ITK: variants seen among roughly 807,000 people sequenced by gnomAD.
ITK encodes IL2 inducible T cell kinase.
A neutral mutation model predicts 87.6 loss-of-function variants in ITK; 45 were observed. The observed-to-expected ratio is 0.51, with a 90% CI of 0.40 to 0.66. The LOEUF is 0.66. ITK is among the 30% of genes least tolerant of loss of function. ITK has a pLI of 0.00. For synonymous variants in ITK, 303 were observed against 273.6 expected, an observed-to-expected ratio of 1.11 and a Z score of -1.06; for missense variants, 605 against 766.3, an observed-to-expected ratio of 0.79 and a Z score of 2.48.
chr5:157,227,639 C>T (rs528880158), intron 6 of ITK, among the ~76,000 whole-genome samples: 3 of 152,026 alleles, frequency 2.0e-5, no homozygotes, highest in South Asian at 2.1e-4. Context: ...AAAATGTTTC[C>T]TTATAGAAAA....
At position 157,200,308 on chromosome 5, in the gene ITK, G is replaced by T. The variant is rs140249004; in HGVS notation, c.139-8581G>T. On this transcript the variant is annotated intron_variant, in intron 1 of 16. Transcript: ENST00000422843. ...CAAGAAAAGAGACAAGGGTAAGCAA[G>T]GTCCTGTGACTTTCGCCCCAAGTAA... Among the ~76,000 whole-genome samples the T allele has an allele frequency of 3.3e-3, 508 of 152,286 alleles. 4 individuals carry two copies. The highest frequency in any genetic ancestry group is 9.8e-3 in the African/African-American group (409 of 41,554).
chr5:157,214,149 T>C, intron 3 of ITK, 42 bp from the exon 4 acceptor site: 1 of 1,587,412 alleles, frequency 6.3e-7, no homozygotes, highest in Non-Finnish European at 8.7e-7. Context: ...CTTGATAGAC[T>C]GACCTGGAAA....
At chr5:157,218,059 A>G (rs572760343) in intron 5 of ITK, 152 bp downstream of exon 5, 9 of 766,402 alleles carry the variant, frequency 1.2e-5, no homozygotes, top group Middle Eastern at 3.7e-4. Context: ...CACATTGGGT[A>G]TTTTTGGGCT....
At chr5:157,245,476 A>G in intron 13 of ITK, 1 of 575,412 alleles carries the variant, frequency 1.7e-6, no homozygotes, top group South Asian at 2.0e-5. Context: ...GACAACACCA[A>G]GGATTTCTAA....
rs1181652991 is a variant in ITK at position 157,181,980 on chromosome 5, CT to C, written c.138+866del. ...TAGGTGATCCAGTCTGGGCAAATGT[CT>C]ACCTCCTGTTTCAGGTTCTTTCTTC... is the stretch of plus-strand genomic sequence containing the variant. On this transcript the variant is annotated intron_variant, in intron 1 of 16. Coordinates refer to ENST00000422843, the MANE Select transcript of ITK (RefSeq NM_005546.4). Among the ~76,000 whole-genome samples, 6 of 152,340 alleles carry C rather than the reference CT, an allele frequency of 3.9e-5. No individual in the cohort carries two copies. In the South Asian group the frequency reaches 1.2e-3, roughly 32 times the overall value.
rs763849289 is a variant in ITK at position 157,244,331 on chromosome 5, G to A, written c.1302G>A (p.Val434=). The A allele has an allele frequency of 1.9e-6, 3 of 1,614,210 alleles. No homozygotes were observed. The highest frequency in any genetic ancestry group is 1.7e-6 in the Non-Finnish European group (2 of 1,180,030). Reference sequence around the variant, plus strand: ...TGGAGCAGGCCCCCATCTGCCTGGTGTTTGAGTTCATGGAGCACGGCTGCC... The same window carrying A: ...TGGAGCAGGCCCCCATCTGCCTGGTATTTGAGTTCATGGAGCACGGCTGCC... ...VCLEQAPICL[V]FEFMEHGCLS... The change falls in exon 13 of 17, where the codon GTG becomes GTA. Residue 434 remains valine, a synonymous_variant. Transcript: ENST00000422843.
intron 1 of ITK, among the ~76,000 whole-genome samples, chr5:157,200,773 G>A (rs1038893002): frequency 6.6e-6 from 1 of 152,152 alleles, no homozygotes; most frequent in Non-Finnish European, 1.5e-5. Flanking sequence ...TTAAGGCACA[G>A]GCACAAAGGA....
chr5:157,192,002 C>T (rs12187941), intron 1 of ITK, among the ~76,000 whole-genome samples: 30,183 of 152,100 alleles, frequency 0.2, 3,378 homozygotes, highest in South Asian at 0.32. Context: ...CCACCAAAAG[C>T]GGCACCATGT....
At chr5:157,244,817 G>T (rs993517422) in intron 13 of ITK, 6 of 349,078 alleles carry the variant, frequency 1.7e-5, no homozygotes, top group Non-Finnish European at 3.4e-5. Flanking sequence ...TTATTCAAGG[G>T]TCTACCAGAA....
At chr5:157,244,102 C>T in intron 12 of ITK, 160 bp from the exon 13 acceptor site, 2 of 738,696 alleles carry the variant, frequency 2.7e-6, no homozygotes, top group East Asian at 5.4e-5. Flanking sequence ...CAGGTCTCAG[C>T]TCCAATGACA....
At chr5:157,245,699 G>T (rs370706088) in intron 13 of ITK, 27 bp from the exon 14 acceptor site, 3 of 1,603,592 alleles carry the variant, frequency 1.9e-6, no homozygotes, top group Non-Finnish European at 2.6e-6. Context: ...TTTCCTCTCC[G>T]CCTTTGTTTG....
chr5:157,214,086 A>G, intron 3 of ITK, 105 bp from the exon 4 acceptor site: 2 of 899,764 alleles, frequency 2.2e-6, no homozygotes, highest in South Asian at 2.6e-5. Context: ...GGCAATACTC[A>G]TTCAGGCTCA....
In ITK at chr5:157,200,372, A is replaced by G. The variant is rs374694236; in HGVS notation, c.139-8517A>G. On this transcript the variant is annotated intron_variant, in intron 1 of 16. Transcript: ENST00000422843. Reference sequence around the variant, plus strand: ...ACAAGTAAGAATGAGAGCAGGTTGTACTTGGCCTCTCCCTTTCTCTGGTGG... The same window carrying G: ...ACAAGTAAGAATGAGAGCAGGTTGTGCTTGGCCTCTCCCTTTCTCTGGTGG... 3.3e-4 allele frequency among the ~76,000 whole-genome samples: 50 copies of G among 152,296 alleles called. 2 individuals are homozygous for G. In the South Asian group the frequency reaches 9.5e-3, roughly 29 times the overall value.
rs189608998 is a variant in ITK at position 157,218,277 on chromosome 5, G to A, written c.495+370G>A. ...CCCAGCACTTTGGGAGGCCAAAGTG[G>A]GAGGATCGCTTGAGCCCAGGAGTTC... On this transcript the variant is annotated intron_variant, in intron 5 of 16. Transcript: ENST00000422843. 3.3e-5 allele frequency among the ~76,000 whole-genome samples: 5 copies of A among 152,158 alleles called. No homozygotes were observed. The East Asian group carries it at 9.7e-4, about 29-fold the overall frequency.
intron 6 of ITK, among the ~76,000 whole-genome samples, chr5:157,227,890 G>A (rs1350547336): frequency 4.2e-5 from 6 of 141,474 alleles, no homozygotes. Context: ...GAGAGCAGTG[G>A]CACGATCTCG....
intron 1 of ITK, among the ~76,000 whole-genome samples, chr5:157,203,645 C>T (rs762574369): frequency 6.6e-5 from 10 of 152,196 alleles, no homozygotes; most frequent in East Asian, 1.9e-4. Flanking sequence ...AAGGCAGCTC[C>T]GCTGTGCTCT....
intron 11 of ITK, among the ~76,000 whole-genome samples, chr5:157,242,144 C>T (rs1167506229): frequency 1.3e-5 from 2 of 152,198 alleles, no homozygotes; most frequent in African/African-American, 4.8e-5. Context: ...AAGTGTTTCT[C>T]TGCATAAGAG....
At chr5:157,189,972 A>T (rs374242913) in intron 1 of ITK, among the ~76,000 whole-genome samples, 1 of 152,162 alleles carries the variant, frequency 6.6e-6, no homozygotes, top group East Asian at 1.9e-4. Context: ...GCTTCATGAC[A>T]CTCAGAGGCC....
At chr5:157,226,640 A>C (rs1383316713) in intron 6 of ITK, among the ~76,000 whole-genome samples, 1 of 152,176 alleles carries the variant, frequency 6.6e-6, no homozygotes. Flanking sequence ...TGTATTTGGC[A>C]CCTACAGTCT....
Sources: allele counts gnomAD v4.1 joint callset (sites outside exome capture counted in the v4.1 genomes callset), GRCh38; gene constraint gnomAD v4.1.1; transcripts MANE v1.5; gene names NCBI Gene and HGNC (gene_info 2026-07-23, HGNC 2026-07-21).